ADCY2: variants seen among roughly 807,000 people sequenced by gnomAD.
ADCY2 encodes the protein adenylate cyclase type 2.
ADCY2 carries 31 observed loss-of-function variants against 125.2 expected under a neutral mutation model. The ratio of observed to expected loss-of-function variants is 0.25; its 90% CI spans 0.19 to 0.33. ADCY2 has a LOEUF of 0.33. Among genes scored for constraint, ADCY2 ranks in the 10% least tolerant of loss-of-function variants. The probability of loss-of-function intolerance (pLI) is 1.00; values close to 1 mark genes in which losing one functional copy is unlikely to be tolerated. For missense variants in ADCY2, 904 were observed against 1,418.2 expected, an observed-to-expected ratio of 0.64 and a Z score of 5.82; for synonymous variants, 512 against 548.4, an observed-to-expected ratio of 0.93 and a Z score of 0.93.
chr5:7,485,624 G>C (rs1004444949), intron 2 of ADCY2, among the ~76,000 whole-genome samples: 28 of 152,020 alleles, frequency 1.8e-4, no homozygotes, highest in Admixed American at 1.8e-3. Flanking sequence ...TGACATATTA[G>C]TTTCTCATCT....
intron 4 of ADCY2, among the ~76,000 whole-genome samples, chr5:7,660,278 AGG>A (rs1233943199): frequency 2.0e-5 from 3 of 151,012 alleles, no homozygotes; most frequent in East Asian, 3.9e-4. Context: ...GAAGGAAGGA[AGG>A]AAGGAAGGAA....
chr5:7,735,117 T>C (rs1455953213), intron 14 of ADCY2, among the ~76,000 whole-genome samples: 1 of 152,038 alleles, frequency 6.6e-6, no homozygotes, highest in Non-Finnish European at 1.5e-5. Context: ...AGAACTCAGA[T>C]GGAAGAGAGG....
At chr5:7,796,510 T>C (rs971690850) in intron 20 of ADCY2, 2 of 152,182 alleles carry the variant, frequency 1.3e-5, no homozygotes, top group Non-Finnish European at 2.9e-5. Context: ...AATGATGTAA[T>C]CGCTGTAACA....
intron 22 of ADCY2, among the ~76,000 whole-genome samples, 170 bp from the exon 23 acceptor site, chr5:7,816,696 A>G (rs2126537452): frequency 6.6e-6 from 1 of 152,362 alleles, no homozygotes; most frequent in South Asian, 2.1e-4. Flanking sequence ...CCTTGGCCAC[A>G]CAGTGCTTCC....
intron 2 of ADCY2, among the ~76,000 whole-genome samples, chr5:7,434,069 T>A (rs1052878325): frequency 1.3e-5 from 2 of 152,162 alleles, no homozygotes; most frequent in Admixed American, 6.6e-5. Context: ...AGGGAAGAAT[T>A]TCCTAAATAT....
intron 14 of ADCY2, among the ~76,000 whole-genome samples, chr5:7,742,394 C>T (rs79072128): frequency 0.016 from 2,418 of 152,198 alleles, 62 homozygotes; most frequent in African/African-American, 0.055. Context: ...CACACCCTCC[C>T]GCAGAGTCTT....
Position 7,761,661 on chromosome 5 carries a change from A to G in ADCY2, c.2094+4075A>G, listed in dbSNP as rs183457730. ...ATAAGAAACGATTTCTTTTCGTAAC[A>G]TCTAGTTTGACCTTATAAAACCAGG... On this transcript the variant is annotated intron_variant, in intron 16 of 24. Coordinates refer to ENST00000338316, the MANE Select transcript of ADCY2 (RefSeq NM_020546.3). Among the ~76,000 whole-genome samples, 27 of 152,324 alleles carry G rather than the reference A, an allele frequency of 1.8e-4. No individual in the cohort carries two copies. In the East Asian group the frequency reaches 5.2e-3, roughly 29 times the overall value.
At chr5:7,417,395 T>C (rs1739995985) in intron 2 of ADCY2, among the ~76,000 whole-genome samples, 1 of 152,206 alleles carries the variant, frequency 6.6e-6, no homozygotes, top group Non-Finnish European at 1.5e-5. Flanking sequence ...TCAATTTATT[T>C]GTATAGAATT....
At chr5:7,508,793 A>G (rs751140235) in intron 2 of ADCY2, among the ~76,000 whole-genome samples, 1 of 152,184 alleles carries the variant, frequency 6.6e-6, no homozygotes, top group Non-Finnish European at 1.5e-5. Context: ...AATGCAAGGA[A>G]GGGGCATTGT....
chr5:7,583,332 A>G (rs1736496286), intron 3 of ADCY2, among the ~76,000 whole-genome samples: 1 of 152,112 alleles, frequency 6.6e-6, no homozygotes, highest in African/African-American at 2.4e-5. Flanking sequence ...GGAAATTTAT[A>G]AACTGATTAT....
Position 7,658,061 on chromosome 5 carries a change from C to T in ADCY2, c.720+31745C>T, listed in dbSNP as rs902402623. ...GTGAATGCAGGAGTCCCTCACCCTT[C>T]GACACGAACCCTCTTCTAGGTTCAA... On this transcript the variant is annotated intron_variant, in intron 4 of 24. Transcript: ENST00000338316. The T allele has an allele frequency of 5.3e-5, 8 of 152,152 alleles. No homozygotes were observed. In the South Asian group the frequency reaches 6.2e-4, roughly 12 times the overall value. 9.4% of individuals were successfully genotyped at this position (152,152 alleles called of 1,614,324 possible).
chr5:7,414,233 A>G (rs1469627279), intron 1 of ADCY2, among the ~76,000 whole-genome samples: 1 of 152,208 alleles, frequency 6.6e-6, no homozygotes, highest in Non-Finnish European at 1.5e-5. Flanking sequence ...TGATTTAGGG[A>G]GAGAAGTTGG....
chr5:7,513,180 G>T (rs1165631536), intron 2 of ADCY2, among the ~76,000 whole-genome samples: 1 of 151,684 alleles, frequency 6.6e-6, no homozygotes, highest in Non-Finnish European at 1.5e-5. Context: ...GAGAAAAGAA[G>T]TTAAACTTGA....
At chr5:7,426,641 C>T (rs1219397370) in intron 2 of ADCY2, among the ~76,000 whole-genome samples, 1 of 152,132 alleles carries the variant, frequency 6.6e-6, no homozygotes, top group Non-Finnish European at 1.5e-5. Context: ...ACCATGGCAG[C>T]CTTGGATTGG....
intron 3 of ADCY2, chr5:7,522,376 A>T (rs1284811845): frequency 6.6e-6 from 1 of 151,826 alleles, no homozygotes; most frequent in East Asian, 1.9e-4. Context: ...CCACCCTTCT[A>T]CTCAAAAGAA....
intron 3 of ADCY2, among the ~76,000 whole-genome samples, chr5:7,568,422 T>C (rs1045496469): frequency 2.0e-4 from 30 of 152,178 alleles, no homozygotes; most frequent in Non-Finnish European, 4.4e-5. Flanking sequence ...TAATTAGCTG[T>C]TTGACAGCCC....
chr5:7,772,226 G>A (rs1005878693), intron 17 of ADCY2, among the ~76,000 whole-genome samples: 2 of 152,172 alleles, frequency 1.3e-5, no homozygotes, highest in Non-Finnish European at 1.5e-5. Context: ...CTATCTGAAC[G>A]GTGCCTGCAG....
At chr5:7,575,647 C>G (rs1451676267) in intron 3 of ADCY2, among the ~76,000 whole-genome samples, 1 of 152,068 alleles carries the variant, frequency 6.6e-6, no homozygotes, top group African/African-American at 2.4e-5. Flanking sequence ...CTGTGCATAC[C>G]TTTGATAAAG....
At chr5:7,431,048 G>A (rs1444233196) in intron 2 of ADCY2, among the ~76,000 whole-genome samples, 1 of 152,056 alleles carries the variant, frequency 6.6e-6, no homozygotes, top group Non-Finnish European at 1.5e-5. Context: ...ATAGAGAGTA[G>A]GAAGCTGGTT....
Sources: gnomAD v4.1 joint callset for allele counts (sites outside exome capture counted in the v4.1 genomes callset) on GRCh38, gnomAD v4.1.1 for gene constraint, MANE v1.5 for transcripts, NCBI Gene and HGNC (gene_info 2026-07-23, HGNC 2026-07-21) for gene names.